BRIP1: variants seen among roughly 807,000 people sequenced by gnomAD.
The protein encoded by BRIP1 is Fanconi anemia group J protein.
In BRIP1, 88 loss-of-function variants were observed where a neutral mutation model predicts 119.7. The ratio of observed to expected loss-of-function variants is 0.74; its 90% CI spans 0.62 to 0.88. The LOEUF (loss-of-function observed/expected upper bound fraction) is 0.88. Among genes scored for constraint, BRIP1 ranks in the 40% least tolerant of loss-of-function variants. BRIP1 has a pLI of 0.00. For missense variants in BRIP1, 1,259 were observed against 1,455.4 expected, an observed-to-expected ratio of 0.87 and a Z score of 2.20; for synonymous variants, 443 against 496.5, an observed-to-expected ratio of 0.89 and a Z score of 1.43.
In BRIP1 at chr17:61,691,257, A is replaced by T. The variant is rs190714403; in HGVS notation, c.2575+2173T>A. On this transcript the variant is annotated intron_variant, in intron 18 of 19. Transcript: ENST00000259008. The surrounding 1 kb of genome is among the most constrained non-coding windows in gnomAD (Gnocchi z 5.0). Reference sequence around the variant, plus strand: ...TAATAATAAAAATAAAAATTAAAATAAAAAAACTCAAACCAGGGAAAAAAA... The same window carrying T: ...TAATAATAAAAATAAAAATTAAAATTAAAAAACTCAAACCAGGGAAAAAAA... Among the ~76,000 whole-genome samples, 2 of 149,008 alleles carry T rather than the reference A, an allele frequency of 1.3e-5. No homozygotes were observed. Among genetic ancestry groups the T allele is most frequent in the African/African-American group, 2.4e-5 (1 of 41,358 alleles).
chr17:61,803,298 G>A lies in BRIP1; in HGVS notation c.919-1824C>T, dbSNP rs528055561. Among the ~76,000 whole-genome samples the A allele has an allele frequency of 6.6e-6, 1 of 152,164 alleles. No homozygotes were observed. Among genetic ancestry groups the A allele is most frequent in the South Asian group, 2.1e-4 (1 of 4,820 alleles). On this transcript the variant is annotated intron_variant, in intron 7 of 19. Transcript: ENST00000259008. The surrounding 1 kb of genome is among the most constrained non-coding windows in gnomAD (Gnocchi z 4.3). ...AGGGTTTTGTCATGTTGCTCAGGCT[G>A]GTCTTGAACTCCTGAACTCAAGCGA...
In BRIP1 at chr17:61,814,671, G is replaced by A. The variant is rs889098831; in HGVS notation, c.628-5914C>T. 1.3e-5 allele frequency among the ~76,000 whole-genome samples: 2 copies of A among 151,990 alleles called. No homozygotes were observed. The highest frequency in any genetic ancestry group is 2.9e-5 in the Non-Finnish European group (2 of 67,908). On this transcript the variant is annotated intron_variant, in intron 6 of 19. Coordinates refer to ENST00000259008, the MANE Select transcript of BRIP1 (RefSeq NM_032043.3). This position sits in a 1 kb window ranked among gnomAD's most constrained non-coding sequence, Gnocchi z 4.9. ...CTTGAGAGCAAATTGGTGATCTAGTGAAATCAAAGATACATATACCCTTTG... is the reference window on the plus strand; with the variant it reads ...CTTGAGAGCAAATTGGTGATCTAGTAAAATCAAAGATACATATACCCTTTG...
At chr17:61,702,674 A>G (rs2061632459) in intron 17 of BRIP1, among the ~76,000 whole-genome samples, 1 of 152,176 alleles carries the variant, frequency 6.6e-6, no homozygotes, top group Non-Finnish European at 1.5e-5. Context: ...TCCATTGTGT[A>G]TATGTACCAC....
At chr17:61,721,315 G>A (rs1288082305) in intron 16 of BRIP1, among the ~76,000 whole-genome samples, 3 of 145,206 alleles carry the variant, frequency 2.1e-5, no homozygotes, top group Non-Finnish European at 3.0e-5. Context: ...CTGTCACCAG[G>A]CCGGAGTGCA....
Position 61,827,903 on chromosome 17 carries a change from G to A in BRIP1, c.628-19146C>T, listed in dbSNP as rs142191377. Among the ~76,000 whole-genome samples the A allele has an allele frequency of 9.2e-3, 1,406 of 152,232 alleles. 17 individuals carry two copies. Among genetic ancestry groups the A allele is most frequent in the African/African-American group, 0.032 (1,318 of 41,534 alleles). On this transcript the variant is annotated intron_variant, in intron 6 of 19. Transcript: ENST00000259008. The surrounding 1 kb of genome is among the most constrained non-coding windows in gnomAD (Gnocchi z 5.8). ...ATTCTTTAAAAAGGACAACAAAACA[G>A]ATAATGAGGTTGGCAAAGATGTGGA... is the stretch of plus-strand genomic sequence containing the variant.
chr17:61,822,964 C>T lies in BRIP1; in HGVS notation c.628-14207G>A, dbSNP rs1196288171. Among the ~76,000 whole-genome samples, 5 of 152,090 alleles carry T rather than the reference C, an allele frequency of 3.3e-5. No individual in the cohort carries two copies. Among genetic ancestry groups the T allele is most frequent in the Non-Finnish European group, 7.4e-5 (5 of 68,008 alleles). ...ATCATCAACACAGATCATGAAGTAC[C>T]CCAGGATGGTGACTGCTTCTCCTAC... On this transcript the variant is annotated intron_variant, in intron 6 of 19. Coordinates refer to ENST00000259008, the MANE Select transcript of BRIP1 (RefSeq NM_032043.3). The surrounding 1 kb of genome is among the most constrained non-coding windows in gnomAD (Gnocchi z 4.4).
In BRIP1 at chr17:61,756,476, T is replaced by C. The variant is rs2077202425; in HGVS notation, c.2098-11885A>G. Among the ~76,000 whole-genome samples, 1 of 152,184 alleles carries C rather than the reference T, an allele frequency of 6.6e-6. No homozygotes were observed. The highest frequency in any genetic ancestry group is 6.5e-5 in the Admixed American group (1 of 15,276). ...ACCAGCCAACATATAGTGATAGAGA[T>C]GATTTAATTTACTAATTGGTGTTCA... is the stretch of plus-strand genomic sequence containing the variant. On this transcript the variant is annotated intron_variant, in intron 14 of 19. Coordinates refer to ENST00000259008, the MANE Select transcript of BRIP1 (RefSeq NM_032043.3). This position sits in a 1 kb window ranked among gnomAD's most constrained non-coding sequence, Gnocchi z 4.3.
At chr17:61,849,320 A>C in intron 4 of BRIP1, 64 bp from the exon 5 acceptor site, 1 of 1,407,458 alleles carries the variant, frequency 7.1e-7, no homozygotes, top group Non-Finnish European at 9.9e-7. Flanking sequence ...TTTCTAGAAG[A>C]AAACTGGAAC....
rs567450743 is a variant in BRIP1, at chr17:61,749,129, C to T, written c.2098-4538G>A. 1.3e-4 allele frequency among the ~76,000 whole-genome samples: 11 copies of T among 84,212 alleles called. 1 individual carries two copies. The South Asian group carries it at 5.2e-3, about 40-fold the overall frequency. 55.2% of individuals were successfully genotyped at this position (84,212 alleles called of 152,430 possible). On this transcript the variant is annotated intron_variant, in intron 14 of 19. Coordinates refer to ENST00000259008, the MANE Select transcript of BRIP1 (RefSeq NM_032043.3). ...TCCAGCCTGGCGACAGAGCGAGACTCTGTCTAAAAAAAAAAAAGACTTGAA... is the reference window on the plus strand; with the variant it reads ...TCCAGCCTGGCGACAGAGCGAGACTTTGTCTAAAAAAAAAAAAGACTTGAA...
Position 61,758,023 on chromosome 17 carries a change from A to G in BRIP1, c.2098-13432T>C, listed in dbSNP as rs567085763. Among the ~76,000 whole-genome samples, 214 of 152,214 alleles carry G rather than the reference A, an allele frequency of 1.4e-3. No individual in the cohort carries two copies. Among genetic ancestry groups the G allele is most frequent in the African/African-American group, 4.9e-3 (205 of 41,568 alleles). ...AAAAAAAAGAGAAAAAAGAAAAGAA[A>G]ACAATAAGAACTCAATACTATGTTA... is the stretch of plus-strand genomic sequence containing the variant. On this transcript the variant is annotated intron_variant, in intron 14 of 19. Coordinates refer to ENST00000259008, the MANE Select transcript of BRIP1 (RefSeq NM_032043.3). The surrounding 1 kb of genome is among the most constrained non-coding windows in gnomAD (Gnocchi z 5.3).
Position 61,701,178 on chromosome 17 carries a change from T to C in BRIP1, c.2493-7666A>G, listed in dbSNP as rs2061608355. ...GTTTCCTCAGGGAGAGTTTCTATTATTTTTTTCTCTTAGTTATACTTTCTT... is the reference window on the plus strand; with the variant it reads ...GTTTCCTCAGGGAGAGTTTCTATTACTTTTTTCTCTTAGTTATACTTTCTT... On this transcript the variant is annotated intron_variant, in intron 17 of 19. Coordinates refer to ENST00000259008, the MANE Select transcript of BRIP1 (RefSeq NM_032043.3). This position sits in a 1 kb window ranked among gnomAD's most constrained non-coding sequence, Gnocchi z 5.1. Among the ~76,000 whole-genome samples the C allele has an allele frequency of 6.6e-6, 1 of 151,648 alleles. No homozygotes were observed. The highest frequency in any genetic ancestry group is 2.4e-5 in the African/African-American group (1 of 40,944).
In BRIP1 at chr17:61,700,938, G is replaced by GT. The variant is rs148997209; in HGVS notation, c.2493-7427dup. Reference sequence around the variant, plus strand: ...TTCTTAAATCTGCTGTTGGGCCCCTGTAATGAATATTTCATTTTAGCTATT... The same window carrying GT: ...TTCTTAAATCTGCTGTTGGGCCCCTGTTAATGAATATTTCATTTTAGCTATT... On this transcript the variant is annotated intron_variant, in intron 17 of 19. Transcript: ENST00000259008. The surrounding 1 kb of genome is among the most constrained non-coding windows in gnomAD (Gnocchi z 4.1). Among the ~76,000 whole-genome samples the GT allele has an allele frequency of 1.2e-3, 182 of 152,184 alleles. 1 individual carries two copies. The highest frequency in any genetic ancestry group is 4.2e-3 in the African/African-American group (174 of 41,522).
chr17:61,764,236 A>G (rs137890015), intron 14 of BRIP1, among the ~76,000 whole-genome samples: 24 of 152,318 alleles, frequency 1.6e-4, no homozygotes, highest in Middle Eastern at 6.8e-3. Flanking sequence ...TAAGCACACC[A>G]TCAGCAAAGG....
chr17:61,703,132 C>T lies in BRIP1; in HGVS notation c.2493-9620G>A, dbSNP rs2061641793. On this transcript the variant is annotated intron_variant, in intron 17 of 19. Transcript: ENST00000259008. The surrounding 1 kb of genome is among the most constrained non-coding windows in gnomAD (Gnocchi z 5.0). ...CAGGCTGAAGTGCAGTGGCACAATC[C>T]CAACTCACTGCAAACTCCACCTCCC... Among the ~76,000 whole-genome samples, 2 of 151,946 alleles carry T rather than the reference C, an allele frequency of 1.3e-5. No individual in the cohort carries two copies. The highest frequency in any genetic ancestry group is 4.8e-5 in the African/African-American group (2 of 41,376).
intron 14 of BRIP1, among the ~76,000 whole-genome samples, chr17:61,763,129 C>T (rs973953932): frequency 2.0e-5 from 3 of 152,142 alleles, no homozygotes; most frequent in Non-Finnish European, 2.9e-5. Flanking sequence ...AATTTGACTA[C>T]TCTAAGTACC....
At chr17:61,786,606 AAT>A (rs907957385) in intron 10 of BRIP1, among the ~76,000 whole-genome samples, 1 of 146,644 alleles carries the variant, frequency 6.8e-6, no homozygotes, top group African/African-American at 2.5e-5. Context: ...ATAAAAATAT[AAT>A]ATATATATTA....
chr17:61,838,779 TA>T, intron 6 of BRIP1, among the ~76,000 whole-genome samples: 1 of 151,224 alleles, frequency 6.6e-6, no homozygotes. Context: ...TAAAAAAATA[TA>T]AAAAAAAGTG....
chr17:61,799,272 C>T lies in BRIP1; in HGVS notation c.1168G>A (p.Val390Ile), dbSNP rs781168634. Residue 390 changes from valine to isoleucine, a missense_variant, in exon 9 of 20, where the codon GTC becomes ATC. Val to Ile is a conservative substitution (Grantham distance 29). Around this residue, in one of 3 missense-constraint regions of BRIP1, gnomAD observed 501 missense variants for 544.0 expected, o/e 0.92. Transcript: ENST00000259008. The surrounding 1 kb of genome is among the most constrained non-coding windows in gnomAD (Gnocchi z 5.1). ...SMDLNLKEQV[V>I]ILDEAHNIED... ...ATGTTATGAGCTTCATCTAAAATGACAACCTGTTCTTTCAGATTTAAATCC... is the reference window on the plus strand; with the variant it reads ...ATGTTATGAGCTTCATCTAAAATGATAACCTGTTCTTTCAGATTTAAATCC... 1 of 1,613,086 alleles carries T rather than the reference C, an allele frequency of 6.2e-7. No individual in the cohort carries two copies. Among genetic ancestry groups the T allele is most frequent in the Non-Finnish European group, 8.5e-7 (1 of 1,179,296 alleles).
intron 18 of BRIP1, among the ~76,000 whole-genome samples, chr17:61,692,103 C>G (rs1450524009): frequency 1.3e-5 from 2 of 152,200 alleles, no homozygotes; most frequent in South Asian, 2.1e-4. Context: ...GGACAGAACC[C>G]TCATGAAAGC....
Sources: allele counts gnomAD v4.1 joint callset (sites outside exome capture counted in the v4.1 genomes callset), GRCh38; gene constraint gnomAD v4.1.1; regional missense constraint gnomAD v4.1.1; non-coding constraint Gnocchi (gnomAD v3.1); transcripts MANE v1.5; gene names NCBI Gene and HGNC (gene_info 2026-07-23, HGNC 2026-07-21).